The following COLEC12 variants were observed in gnomAD, a reference collection of about 807,000 sequenced individuals.
COLEC12 encodes the protein collectin subfamily member 12.
In COLEC12, 33 loss-of-function variants were observed where a neutral mutation model predicts 71.1. That is an observed-to-expected ratio of 0.46 (90% CI 0.35 to 0.62). The LOEUF is 0.62. Among genes scored for constraint, COLEC12 ranks in the 20% least tolerant of loss-of-function variants. The pLI is 0.00. For synonymous variants in COLEC12, 350 were observed against 353.0 expected, an observed-to-expected ratio of 0.99 and a Z score of 0.10; for missense variants, 765 against 916.1, an observed-to-expected ratio of 0.84 and a Z score of 2.13.
At position 327,437 on chromosome 18, in the gene COLEC12, G is replaced by A. The variant is rs572075036; in HGVS notation, c.2063+4231C>T. Among the ~76,000 whole-genome samples the A allele has an allele frequency of 3.3e-5, 5 of 152,232 alleles. No homozygotes were observed. Among genetic ancestry groups the A allele is most frequent in the South Asian group, 2.1e-4 (1 of 4,822 alleles). On this transcript the variant is annotated intron_variant, in intron 8 of 9. Coordinates refer to ENST00000400256, the MANE Select transcript of COLEC12 (RefSeq NM_130386.3). The surrounding 1 kb of genome is among the most constrained non-coding windows in gnomAD (Gnocchi z 4.0). ...CGGGCCATTGCAGGTGGCATCTCAC[G>A]CCACCCTTTCCCCTCAGCTGGTCCT...
At chr18:499,779 C>G (rs1001186836) in intron 1 of COLEC12, among the ~76,000 whole-genome samples, 7 of 152,200 alleles carry the variant, frequency 4.6e-5, no homozygotes, top group Non-Finnish European at 1.0e-4. Context: ...TTCTAAAGTA[C>G]GATAACATCT....
intron 2 of COLEC12, among the ~76,000 whole-genome samples, chr18:391,437 T>C (rs1915462060): frequency 6.6e-6 from 1 of 152,236 alleles, no homozygotes; most frequent in African/African-American, 2.4e-5. Flanking sequence ...ACACATGTGT[T>C]GTGGTACCAG....
intron 1 of COLEC12, among the ~76,000 whole-genome samples, chr18:491,721 A>C (rs1391560657): frequency 6.6e-6 from 1 of 152,222 alleles, no homozygotes; most frequent in Non-Finnish European, 1.5e-5. Flanking sequence ...TGCGTGCTGC[A>C]GGTTCTATTT....
chr18:446,508 C>T (rs1429754679), intron 2 of COLEC12, among the ~76,000 whole-genome samples: 1 of 148,966 alleles, frequency 6.7e-6, no homozygotes, highest in Non-Finnish European at 1.5e-5. Context: ...TCAAGACCAG[C>T]CTGGGCAACA....
Position 346,664 on chromosome 18 carries a change from C to T in COLEC12, c.958G>A (p.Asp320Asn). The T allele has an allele frequency of 3.1e-6, 5 of 1,614,230 alleles. No homozygotes were observed. Among genetic ancestry groups the T allele is most frequent in the Non-Finnish European group, 3.4e-6 (4 of 1,180,042 alleles). ...TTGATGGCTGTTCTATTCTCTGCAT[C>T]TTTGTGTAAGTCCTGCAGGTCTTTC... ...NLKDLQDLHKDAENRTAIKFN... is the reference protein window; with the variant it reads ...NLKDLQDLHKNAENRTAIKFN... Residue 320 changes from aspartate to asparagine, a missense_variant, in exon 5 of 10, where the codon GAT becomes AAT. Asp to Asn is a conservative substitution (Grantham distance 23). Coordinates refer to ENST00000400256, the MANE Select transcript of COLEC12 (RefSeq NM_130386.3). The surrounding 1 kb of genome is among the most constrained non-coding windows in gnomAD (Gnocchi z 4.0).
chr18:339,283 G>A (rs548335818), intron 5 of COLEC12, among the ~76,000 whole-genome samples: 2 of 152,228 alleles, frequency 1.3e-5, no homozygotes, highest in African/African-American at 2.4e-5. Flanking sequence ...ATTTCTTTCT[G>A]GGGTAGGGTA....
intron 2 of COLEC12, among the ~76,000 whole-genome samples, chr18:388,768 G>T (rs1439165768): frequency 6.6e-6 from 1 of 152,194 alleles, no homozygotes; most frequent in Non-Finnish European, 1.5e-5. Flanking sequence ...GCATGTCACA[G>T]AAATGGACTA....
At chr18:342,443 A>G (rs893180261) in intron 5 of COLEC12, among the ~76,000 whole-genome samples, 1 of 152,240 alleles carries the variant, frequency 6.6e-6, no homozygotes, top group Non-Finnish European at 1.5e-5. Context: ...CTGGACAGTG[A>G]GCACTGGGGT....
intron 2 of COLEC12, among the ~76,000 whole-genome samples, chr18:369,387 T>TTA (rs1247781077): frequency 2.7e-5 from 4 of 145,906 alleles, no homozygotes; most frequent in Non-Finnish European, 6.0e-5. Context: ...ATACAGATCT[T>TTA]TTTTTTTTTA....
intron 2 of COLEC12, among the ~76,000 whole-genome samples, chr18:439,981 G>A (rs762314369): frequency 2.7e-5 from 2 of 74,782 alleles, no homozygotes; most frequent in African/African-American, 4.5e-5. Context: ...GAAATGTTGT[G>A]TGTATGAATG....
chr18:498,396 G>C (rs1334439214), intron 1 of COLEC12, among the ~76,000 whole-genome samples: 2 of 137,342 alleles, frequency 1.5e-5, no homozygotes, highest in Non-Finnish European at 3.1e-5. Flanking sequence ...TCTCGCTCTT[G>C]TCACCCAGGC....
chr18:468,645 G>A (rs1917134666), intron 2 of COLEC12, among the ~76,000 whole-genome samples: 1 of 152,090 alleles, frequency 6.6e-6, no homozygotes, highest in African/African-American at 2.4e-5. Flanking sequence ...TTCTCTCTTA[G>A]TAAATAATGA....
rs772544654 is a variant in COLEC12 at position 337,424 on chromosome 18, G to A, written c.1328-2194C>T. 8.6e-4 allele frequency among the ~76,000 whole-genome samples: 131 copies of A among 152,298 alleles called. 3 individuals carry two copies. Among genetic ancestry groups the A allele is most frequent in the Non-Finnish European group, 1.9e-4 (13 of 68,032 alleles). ...CTCCCAGTCAAGCCAATCCGTCTGT[G>A]TTCTCTCTTAGCAGAAGCTTAGGCT... is the stretch of plus-strand genomic sequence containing the variant. On this transcript the variant is annotated intron_variant, in intron 5 of 9. Coordinates refer to ENST00000400256, the MANE Select transcript of COLEC12 (RefSeq NM_130386.3).
At chr18:438,782 G>A (rs1374367651) in intron 2 of COLEC12, among the ~76,000 whole-genome samples, 9 of 139,882 alleles carry the variant, frequency 6.4e-5, no homozygotes, top group East Asian at 2.1e-4. Context: ...CAGCCTGGGC[G>A]ACAGAATAAG....
In COLEC12 at chr18:345,643, C is replaced by T. The variant is rs1367428167; in HGVS notation, c.1327+652G>A. Among the ~76,000 whole-genome samples, 3 of 152,106 alleles carry T rather than the reference C, an allele frequency of 2.0e-5. No individual in the cohort carries two copies. In the East Asian group the frequency reaches 5.8e-4, roughly 29 times the overall value. On this transcript the variant is annotated intron_variant, in intron 5 of 9. Coordinates refer to ENST00000400256, the MANE Select transcript of COLEC12 (RefSeq NM_130386.3). The stretch of plus-strand genomic sequence containing the variant: ...ACTCCCTTAATGGTAGCTTTGTGAC[C>T]CAAAAGACTTGATCTTGCTTTCAGA...
intron 5 of COLEC12, among the ~76,000 whole-genome samples, chr18:338,061 TC>T (rs1914158372): frequency 6.6e-6 from 1 of 152,208 alleles, no homozygotes; most frequent in South Asian, 2.1e-4. Flanking sequence ...CCCCACCTGA[TC>T]AGTCTGGCAT....
chr18:376,597 G>T (rs960198461), intron 2 of COLEC12, among the ~76,000 whole-genome samples: 1 of 152,204 alleles, frequency 6.6e-6, no homozygotes, highest in Non-Finnish European at 1.5e-5. Context: ...GTGAACTGCA[G>T]ATGTTTGTTC....
Position 362,918 on chromosome 18 carries a change from C to T in COLEC12, c.59-5396G>A, listed in dbSNP as rs1914777448. 1.3e-5 allele frequency among the ~76,000 whole-genome samples: 2 copies of T among 152,154 alleles called. No individual in the cohort carries two copies. The highest frequency in any genetic ancestry group is 2.9e-5 in the Non-Finnish European group (2 of 68,030). On this transcript the variant is annotated intron_variant, in intron 2 of 9. Coordinates refer to ENST00000400256, the MANE Select transcript of COLEC12 (RefSeq NM_130386.3). This position sits in a 1 kb window ranked among gnomAD's most constrained non-coding sequence, Gnocchi z 4.6. ...GAAGCCAAAATCGCTCTGGTTAACT[C>T]CTTGAGTATTCCATGGAAGTTCAGA...
chr18:384,565 T>A (rs1488774247), intron 2 of COLEC12, among the ~76,000 whole-genome samples: 2 of 152,190 alleles, frequency 1.3e-5, no homozygotes, highest in Non-Finnish European at 2.9e-5. Flanking sequence ...AGAGAACTCT[T>A]TGAGCAGGGA....
Sources: allele counts gnomAD v4.1 joint callset (sites outside exome capture counted in the v4.1 genomes callset), GRCh38; gene constraint gnomAD v4.1.1; non-coding constraint Gnocchi (gnomAD v3.1); transcripts MANE v1.5; gene names NCBI Gene and HGNC (gene_info 2026-07-23, HGNC 2026-07-21).